RPS6KA2: variants seen among roughly 807,000 people sequenced by gnomAD.
The protein encoded by RPS6KA2 is ribosomal protein S6 kinase alpha-2.
RPS6KA2 carries 42 observed loss-of-function variants against 91.8 expected under a neutral mutation model. The observed-to-expected ratio is 0.46, with a 90% confidence interval of 0.36 to 0.59. The LOEUF (loss-of-function observed/expected upper bound fraction) is 0.59, where lower values mean the gene tolerates loss of function less well. Among genes scored for constraint, RPS6KA2 ranks in the 20% least tolerant of loss-of-function variants. The pLI, the probability that RPS6KA2 is intolerant of heterozygous loss-of-function variation, is 0.00. For synonymous variants in RPS6KA2, 414 were observed against 393.6 expected (o/e 1.05, Z -0.61); for missense variants, 798 against 978.5 (o/e 0.82, Z 2.46).
At chr6:166,424,495 G>A (rs968764807) in intron 16 of RPS6KA2, among the ~76,000 whole-genome samples, 28 of 152,194 alleles carry the variant, frequency 1.8e-4, no homozygotes, top group African/African-American at 3.4e-4. Flanking sequence ...AAGAGATGGC[G>A]CACAGAGGAA....
intron 2 of RPS6KA2, among the ~76,000 whole-genome samples, chr6:166,688,439 G>C (rs1465092281): frequency 6.6e-6 from 1 of 152,222 alleles, no homozygotes; most frequent in Non-Finnish European, 1.5e-5. Context: ...CAGTGCAGCT[G>C]CAGAGGGAGC....
chr6:166,432,346 T>A, intron 15 of RPS6KA2, 55 bp downstream of exon 15: 2 of 1,174,852 alleles, frequency 1.7e-6, no homozygotes, highest in Non-Finnish European at 2.5e-6. Flanking sequence ...GGGAGTTTTG[T>A]GTCAGTTGAA....
chr6:166,473,787 T>C (rs1473354444), intron 10 of RPS6KA2, among the ~76,000 whole-genome samples: 2 of 152,172 alleles, frequency 1.3e-5, no homozygotes, highest in African/African-American at 4.8e-5. Flanking sequence ...GCTGCCTCCT[T>C]AGGTTTCTTA....
intron 2 of RPS6KA2, among the ~76,000 whole-genome samples, chr6:166,808,402 G>T (rs1409917417): frequency 6.6e-6 from 1 of 152,186 alleles, no homozygotes; most frequent in African/African-American, 2.4e-5. Flanking sequence ...GTGAGTGTGA[G>T]CTGTACAATT....
intron 2 of RPS6KA2, among the ~76,000 whole-genome samples, chr6:166,730,866 C>T (rs1790490413): frequency 6.6e-6 from 1 of 152,048 alleles, no homozygotes; most frequent in Non-Finnish European, 1.5e-5. Context: ...CTGTAGTATC[C>T]GGGTAGTCAT....
intron 10 of RPS6KA2, among the ~76,000 whole-genome samples, chr6:166,470,779 G>C (rs1780738004): frequency 6.6e-6 from 1 of 152,172 alleles, no homozygotes; most frequent in Non-Finnish European, 1.5e-5. Flanking sequence ...CAGGGAGTGA[G>C]GGGCCGTGGA....
chr6:166,425,919 C>T (rs1408333362), intron 16 of RPS6KA2, among the ~76,000 whole-genome samples: 1 of 152,046 alleles, frequency 6.6e-6, no homozygotes, highest in Non-Finnish European at 1.5e-5. Flanking sequence ...CAGGGATACC[C>T]AGGAATTGAA....
chr6:166,461,484 G>A (rs976638005), intron 11 of RPS6KA2, among the ~76,000 whole-genome samples: 1 of 146,250 alleles, frequency 6.8e-6, no homozygotes, highest in African/African-American at 2.6e-5. Context: ...GTGAGAGCAA[G>A]CGAGGGAGAG....
At chr6:166,860,067 C>T (rs73788173) in intron 1 of RPS6KA2, among the ~76,000 whole-genome samples, 11,964 of 152,150 alleles carry the variant, frequency 0.079, 1,538 homozygotes, top group African/African-American at 0.27. Context: ...CAACATAAAA[C>T]ATGGACAAAA....
intron 7 of RPS6KA2, 45 bp from the exon 8 acceptor site, chr6:166,498,695 G>C (rs1386043241): frequency 1.2e-6 from 2 of 1,604,814 alleles, no homozygotes; most frequent in Non-Finnish European, 1.7e-6. Context: ...CTCTGGGTGT[G>C]TTCGGGGGTC....
intron 3 of RPS6KA2, 81 bp downstream of exon 3, chr6:166,531,151 G>T: frequency 1.1e-6 from 1 of 923,498 alleles, no homozygotes; most frequent in Non-Finnish European, 1.8e-6. Flanking sequence ...AACATTAAAT[G>T]GAATGAATAT....
At chr6:166,833,280 C>G (rs980981488) in intron 2 of RPS6KA2, among the ~76,000 whole-genome samples, 1 of 152,212 alleles carries the variant, frequency 6.6e-6, no homozygotes, top group African/African-American at 2.4e-5. Context: ...ATGAAACTGT[C>G]TACATCTACA....
chr6:166,834,300 T>A (rs1234222632), intron 2 of RPS6KA2, among the ~76,000 whole-genome samples: 1 of 152,226 alleles, frequency 6.6e-6, no homozygotes, highest in Non-Finnish European at 1.5e-5. Context: ...ATGTTGAGCA[T>A]CTTTTCACAC....
At chr6:166,677,643 G>A (rs1444354139) in intron 2 of RPS6KA2, among the ~76,000 whole-genome samples, 4 of 152,228 alleles carry the variant, frequency 2.6e-5, no homozygotes, top group Non-Finnish European at 5.9e-5. Flanking sequence ...TTACCAACCT[G>A]AGTAGGTATT....
chr6:166,450,496 A>G (rs764543681), intron 13 of RPS6KA2, among the ~76,000 whole-genome samples: 1 of 145,654 alleles, frequency 6.9e-6, no homozygotes, highest in Non-Finnish European at 1.5e-5. Context: ...ACCCTGGGAG[A>G]CCACCATGGG....
At chr6:166,743,142 G>A (rs1017595535) in intron 2 of RPS6KA2, among the ~76,000 whole-genome samples, 1 of 152,156 alleles carries the variant, frequency 6.6e-6, no homozygotes, top group African/African-American at 2.4e-5. Context: ...CAAGACCCTG[G>A]AGCCGAGGCC....
rs1780973466 is a variant in RPS6KA2 at position 166,476,322 on chromosome 6, C to T, written c.908-6417G>A. On this transcript the variant is annotated intron_variant, in intron 10 of 20. Transcript: ENST00000265678. ...TGGCCTCCAGAGCTGCGGGAGGACACATTTCTGCTGTTCAAGCTGCCCAGT... is the reference window on the plus strand; with the variant it reads ...TGGCCTCCAGAGCTGCGGGAGGACATATTTCTGCTGTTCAAGCTGCCCAGT... Among the ~76,000 whole-genome samples, 4 of 152,292 alleles carry T rather than the reference C, an allele frequency of 2.6e-5. No individual in the cohort carries two copies. The South Asian group carries it at 6.2e-4, about 24-fold the overall frequency.
intron 3 of RPS6KA2, 48 bp downstream of exon 3, chr6:166,531,184 A>G (rs1424643061): frequency 8.3e-7 from 1 of 1,205,708 alleles, no homozygotes; most frequent in Admixed American, 1.7e-5. Flanking sequence ...CGGAGTAGAA[A>G]TTGCAGTTAC....
intron 2 of RPS6KA2, among the ~76,000 whole-genome samples, chr6:166,818,902 G>A (rs771797619): frequency 1.3e-5 from 2 of 151,764 alleles, no homozygotes; most frequent in African/African-American, 4.8e-5. Flanking sequence ...CTTGTATGTC[G>A]CCTGCTCCAG....
Sources: gnomAD v4.1 joint callset for allele counts (sites outside exome capture counted in the v4.1 genomes callset) on GRCh38, gnomAD v4.1.1 for gene constraint, MANE v1.5 for transcripts, NCBI Gene and HGNC (gene_info 2026-07-23, HGNC 2026-07-21) for gene names.